FCN1: variants seen among roughly 807,000 people sequenced by gnomAD.
FCN1 encodes ficolin 1.
FCN1 carries 42 observed loss-of-function variants against 35.6 expected under a neutral mutation model. The ratio of observed to expected loss-of-function variants is 1.18; its 90% CI spans 0.92 to 1.53. The LOEUF (loss-of-function observed/expected upper bound fraction) is 1.53. Among genes scored for constraint, FCN1 ranks in the 40% most tolerant of loss-of-function variants. The pLI, the probability that FCN1 is intolerant of heterozygous loss-of-function variation, is 0.00. For synonymous variants in FCN1, 179 were observed against 169.8 expected (o/e 1.05, Z -0.42); for missense variants, 439 against 428.4 (o/e 1.02, Z -0.22).
intron 8 of FCN1, among the ~76,000 whole-genome samples, chr9:134,910,682 G>A (rs953243580): frequency 1.3e-5 from 2 of 152,194 alleles, no homozygotes; most frequent in East Asian, 1.9e-4. Context: ...TCCAGCTGCA[G>A]CAATTCTCAG....
intron 1 of FCN1, 56 bp downstream of exon 1, chr9:134,917,713 C>T (rs917873130): frequency 8.0e-6 from 9 of 1,126,168 alleles, no homozygotes; most frequent in Non-Finnish European, 1.2e-5. Context: ...ACCCGAGTGT[C>T]AGTGAGTGGG....
rs1338765246 is a variant in FCN1, at chr9:134,904,984, G to A, written c.*4814C>T. 2.0e-5 allele frequency among the ~76,000 whole-genome samples: 3 copies of A among 152,232 alleles called. No individual in the cohort carries two copies. The East Asian group carries it at 5.8e-4, about 29-fold the overall frequency. ...CAGGACTTTAAATAAATGTATCATA[G>A]CATGGCGGCAAGAATGGCATAAAAA... is the stretch of plus-strand genomic sequence containing the variant. On this transcript the variant is annotated 3_prime_UTR_variant, in exon 9 of 9. Transcript: ENST00000371806.
chr9:134,908,701 C>T lies in FCN1; in HGVS notation c.*1097G>A. 6.5e-6 allele frequency: 1 copy of T among 154,484 alleles called. No homozygotes were observed. Among genetic ancestry groups the T allele is most frequent in the Non-Finnish European group, 1.4e-5 (1 of 69,674 alleles). 9.6% of individuals were successfully genotyped at this position (154,484 alleles called of 1,614,324 possible). A position where few individuals can be genotyped will look rare whatever the true frequency, so the allele number is the denominator to read the frequency against. Reference sequence around the variant, plus strand: ...CCTGGGGCTGGAAAAGGCAAGGAAGCAGGTTCTCCCCTAGAACCCTGGAAG... The same window carrying T: ...CCTGGGGCTGGAAAAGGCAAGGAAGTAGGTTCTCCCCTAGAACCCTGGAAG... On this transcript the variant is annotated 3_prime_UTR_variant, in exon 9 of 9. Coordinates refer to ENST00000371806, the MANE Select transcript of FCN1 (RefSeq NM_002003.5).
At chr9:134,914,707 G>A in intron 3 of FCN1, 49 bp downstream of exon 3, 3 of 1,354,970 alleles carry the variant, frequency 2.2e-6, no homozygotes, top group Non-Finnish European at 3.1e-6. Context: ...ATTACAGACA[G>A]CTCCAAGGTC....
rs1387391975 is a variant in FCN1 at position 134,913,578 on chromosome 9, C to T, written c.340+3G>A. Reference sequence around the variant, plus strand: ...GTACCGAGGTCAGGGTGTGATCAGTCACCTGTCGCACACGACTGAGACTGC... The same window carrying T: ...GTACCGAGGTCAGGGTGTGATCAGTTACCTGTCGCACACGACTGAGACTGC... On this transcript the variant is annotated splice_donor_region_variant and intron_variant, in intron 5 of 8. Transcript: ENST00000371806. The T allele has an allele frequency of 1.2e-6, 2 of 1,605,740 alleles. No homozygotes were observed. Among genetic ancestry groups the T allele is most frequent in the Non-Finnish European group, 8.5e-7 (1 of 1,175,230 alleles).
intron 2 of FCN1, among the ~76,000 whole-genome samples, chr9:134,915,853 A>C (rs527926986): frequency 7.5e-4 from 114 of 152,276 alleles, no homozygotes; most frequent in African/African-American, 2.5e-3. Flanking sequence ...GCAAATCCAC[A>C]TGCAGAGCTC....
At position 134,917,732 on chromosome 9, in the gene FCN1, C is replaced by T. The variant is rs1407016982; in HGVS notation, c.103+37G>A. On this transcript the variant is annotated intron_variant, in intron 1 of 8. Transcript: ENST00000371806. ...GAGTGTCAGTGAGTGGGGTTGTTAC[C>T]AGCTTTTAGGGACCAGAAAACCCAG... 2.8e-6 allele frequency: 4 copies of T among 1,427,786 alleles called. No individual in the cohort carries two copies. In the African/African-American group the frequency reaches 4.2e-5, roughly 15 times the overall value. 88.4% of individuals were successfully genotyped at this position (1,427,786 alleles called of 1,614,324 possible). A position where few individuals can be genotyped will look rare whatever the true frequency, so the allele number is the denominator to read the frequency against.
intron 4 of FCN1, 38 bp downstream of exon 4, chr9:134,914,347 C>G: frequency 6.2e-7 from 1 of 1,602,770 alleles, no homozygotes; most frequent in Non-Finnish European, 8.5e-7. Context: ...CTGGACAAAG[C>G]CTGCAGAGAC....
At chr9:134,915,626 T>G (rs1831083337) in intron 2 of FCN1, among the ~76,000 whole-genome samples, 1 of 152,058 alleles carries the variant, frequency 6.6e-6, no homozygotes, top group Admixed American at 6.5e-5. Flanking sequence ...TCAGTGAAAG[T>G]CCAAGTCATA....
chr9:134,914,291 G>T (rs1831063613), intron 4 of FCN1, 94 bp downstream of exon 4: 3 of 1,094,960 alleles, frequency 2.7e-6, no homozygotes, highest in Admixed American at 3.4e-5. Flanking sequence ...GATTGACAGG[G>T]ACGTGGGCGG....
intron 6 of FCN1, 114 bp downstream of exon 6, chr9:134,912,902 A>G (rs977820871): frequency 1.3e-6 from 2 of 1,488,362 alleles, no homozygotes; most frequent in African/African-American, 2.8e-5. Context: ...CCCATCATCT[A>G]TGATTGTCCC....
chr9:134,912,628 C>G lies in FCN1; in HGVS notation c.469-13G>C. Reference sequence around the variant, plus strand: ...TCCGCTGGAAAACCTGTGAAGAAGCCAGGATACAGAGTTAGGCGGGGCAGG... The same window carrying G: ...TCCGCTGGAAAACCTGTGAAGAAGCGAGGATACAGAGTTAGGCGGGGCAGG... On this transcript the variant is annotated splice_polypyrimidine_tract_variant and intron_variant, in intron 6 of 8. Transcript: ENST00000371806. The G allele has an allele frequency of 1.9e-6, 3 of 1,614,110 alleles. No individual in the cohort carries two copies. The highest frequency in any genetic ancestry group is 1.7e-6 in the Non-Finnish European group (2 of 1,179,980).
chr9:134,916,586 T>A, intron 1 of FCN1, 125 bp from the exon 2 acceptor site: 1 of 933,124 alleles, frequency 1.1e-6, no homozygotes, highest in South Asian at 1.4e-5. Context: ...GGAGATGTGA[T>A]GGGGGGCAGA....
In FCN1 at chr9:134,905,864, C is replaced by CTCT. The variant is rs1206593565; in HGVS notation, c.*3931_*3933dup. On this transcript the variant is annotated 3_prime_UTR_variant, in exon 9 of 9. Transcript: ENST00000371806. ...CCTCTTCCTCTTCCTCTTCCTCTTC[C>CTCT]TCTTCTTCTTCTTCTTCTTCTTCTT... 0.01 allele frequency: 459 copies of CTCT among 45,840 alleles called. 24 individuals are homozygous for CTCT. The highest frequency in any genetic ancestry group is 0.028 in the Middle Eastern group (3 of 106). The allele number at this position is 45,840 out of a possible 1,614,324, so 2.8% of individuals were successfully genotyped here.
intron 1 of FCN1, 67 bp downstream of exon 1, chr9:134,917,701 AC>A: frequency 2.0e-6 from 2 of 988,230 alleles, no homozygotes; most frequent in African/African-American, 1.6e-5. Context: ...TTTGCCTGGG[AC>A]ACCCGAGTGT....
intron 2 of FCN1, among the ~76,000 whole-genome samples, chr9:134,915,558 C>T (rs1352415347): frequency 6.6e-6 from 1 of 152,182 alleles, no homozygotes; most frequent in Non-Finnish European, 1.5e-5. Context: ...TCAGGTCCAG[C>T]CTGCGGAGTG....
intron 7 of FCN1, 150 bp downstream of exon 7, chr9:134,912,336 C>A: frequency 1.3e-6 from 1 of 762,670 alleles, no homozygotes. Context: ...CGGCAGGGGA[C>A]GCAGCCCTTA....
intron 2 of FCN1, among the ~76,000 whole-genome samples, chr9:134,915,791 G>A (rs1435739550): frequency 6.6e-6 from 1 of 152,124 alleles, no homozygotes; most frequent in East Asian, 1.9e-4. Context: ...TGCTTAGGGG[G>A]ACCCAAAACC....
rs377762723 is a variant in FCN1 at position 134,917,849 on chromosome 9, A to C, written c.23T>G (p.Met8Arg). 6.2e-7 allele frequency: 1 copy of C among 1,613,572 alleles called. No individual in the cohort carries two copies. Among genetic ancestry groups the C allele is most frequent in the African/African-American group, 1.3e-5 (1 of 74,902 alleles). Residue 8 changes from methionine to arginine, a missense_variant, in exon 1 of 9, where the codon ATG (methionine) becomes AGG (arginine). Physicochemically the swap from Met to Arg is moderately conservative, Grantham distance 91 (BLOSUM62 -1). Transcript: ENST00000371806. MELSGAT[M>R]ARGLAVLLVL... ...TAGCAGGACAGCGAGCCCCCGGGCC[A>C]TGGTGGCTCCACTCAGCTCCATGCT... is the stretch of plus-strand genomic sequence containing the variant.
Sources: gnomAD v4.1 joint callset for allele counts (sites outside exome capture counted in the v4.1 genomes callset) on GRCh38, gnomAD v4.1.1 for gene constraint, MANE v1.5 for transcripts, NCBI Gene and HGNC (gene_info 2026-07-23, HGNC 2026-07-21) for gene names.